HOOK3: variants seen among roughly 807,000 people sequenced by gnomAD.
HOOK3 encodes protein Hook homolog 3.
Under a neutral mutation model 116.3 loss-of-function variants are expected in HOOK3, and 24 were observed. The observed-to-expected ratio is 0.21, with a 90% CI of 0.15 to 0.29. The LOEUF (loss-of-function observed/expected upper bound fraction) is 0.29. Among genes scored for constraint, HOOK3 ranks in the 10% least tolerant of loss-of-function variants. The pLI is 1.00. For missense variants in HOOK3, 632 were observed against 830.2 expected (o/e 0.76, Z 2.93); for synonymous variants, 275 against 283.0 (o/e 0.97, Z 0.28).
At position 43,021,104 on chromosome 8, in the gene HOOK3, G is replaced by GAAAAAAAAAAAAAAAAAA. The variant is rs34161624; in HGVS notation, c.*2618_*2635dup. On this transcript the variant is annotated 3_prime_UTR_variant, in exon 22 of 22. Coordinates refer to ENST00000307602, the MANE Select transcript of HOOK3 (RefSeq NM_032410.4). ...CGACAAGAGCGAAACTCTGTCGCAA[G>GAAAAAAAAAAAAAAAAAA]AAAAAAAAAAAAAAAAAAAAAAAAA... 4 of 32,246 alleles carry GAAAAAAAAAAAAAAAAAA rather than the reference G, an allele frequency of 1.2e-4. No homozygotes were observed. Among genetic ancestry groups the GAAAAAAAAAAAAAAAAAA allele is most frequent in the African/African-American group, 1.9e-4 (2 of 10,630 alleles). 2.0% of individuals were successfully genotyped at this position (32,246 alleles called of 1,614,324 possible). A position where few individuals can be genotyped will look rare whatever the true frequency, so the allele number is the denominator to read the frequency against.
rs1398419159 is a variant in HOOK3, at chr8:43,018,844, A to G, written c.*346A>G. The G allele has an allele frequency of 8.2e-6, 2 of 243,934 alleles. No individual in the cohort carries two copies. The highest frequency in any genetic ancestry group is 1.1e-4 in the Admixed American group (2 of 18,628). 15.1% of individuals were successfully genotyped at this position (243,934 alleles called of 1,614,324 possible). On this transcript the variant is annotated 3_prime_UTR_variant, in exon 22 of 22. Transcript: ENST00000307602. ...ATTTTCTGCCAATAATTGATATACA[A>G]TTTATATTCTTTATTGTGCCTGTGT... is the stretch of plus-strand genomic sequence containing the variant.
chr8:43,002,014 C>G, intron 16 of HOOK3, 93 bp from the exon 17 acceptor site: 1 of 810,842 alleles, frequency 1.2e-6, no homozygotes, highest in Non-Finnish European at 2.0e-6. Context: ...AAAGCTCACT[C>G]AAAATTAATG....
chr8:42,910,585 T>A (rs1182305637), intron 2 of HOOK3, among the ~76,000 whole-genome samples: 11 of 152,244 alleles, frequency 7.2e-5, no homozygotes, highest in Admixed American at 7.2e-4. Context: ...AGTAGAATCA[T>A]ACAGTATGTA....
In HOOK3 at chr8:42,930,936, C is replaced by T. The variant is rs116963375; in HGVS notation, c.267+764C>T. Among the ~76,000 whole-genome samples, 595 of 152,306 alleles carry T rather than the reference C, an allele frequency of 3.9e-3. 4 individuals carry two copies. The highest frequency in any genetic ancestry group is 6.6e-3 in the Non-Finnish European group (447 of 68,026). ...CTTGCTTAGATTACTAAAGTAGTCT[C>T]GCTGGTGACCCTGATTTTACTGTTG... On this transcript the variant is annotated intron_variant, in intron 4 of 21. Transcript: ENST00000307602.
intron 8 of HOOK3, 89 bp downstream of exon 8, chr8:42,959,403 T>A: frequency 1.2e-6 from 1 of 852,216 alleles, no homozygotes; most frequent in Non-Finnish European, 1.9e-6. Context: ...CAGTACATCT[T>A]AACTATAACG....
At chr8:42,909,242 CA>C (rs1309020394) in intron 2 of HOOK3, among the ~76,000 whole-genome samples, 1 of 152,146 alleles carries the variant, frequency 6.6e-6, no homozygotes, top group Non-Finnish European at 1.5e-5. Flanking sequence ...GAAAACTGTA[CA>C]AAAAGCTAAA....
intron 2 of HOOK3, among the ~76,000 whole-genome samples, chr8:42,910,797 C>G (rs915363039): frequency 3.3e-5 from 5 of 152,202 alleles, no homozygotes; most frequent in Non-Finnish European, 7.3e-5. Context: ...GGTGTCCACC[C>G]TCAGGAGGTT....
At chr8:42,971,398 C>G (rs956227020) in intron 11 of HOOK3, among the ~76,000 whole-genome samples, 2 of 151,956 alleles carry the variant, frequency 1.3e-5, no homozygotes, top group African/African-American at 4.8e-5. Flanking sequence ...TCCCGAGTAG[C>G]TGGGATTACA....
rs1416462933 is a variant in HOOK3 at position 43,023,479 on chromosome 8, T to TTCCCC, written c.*4992_*4996dup. On this transcript the variant is annotated 3_prime_UTR_variant, in exon 22 of 22. Transcript: ENST00000307602. The stretch of plus-strand genomic sequence containing the variant: ...TCCCTCCTTTCTTCCTTCCCTTCCC[T>TTCCCC]TCCCCTCCCCTCCCCCAGGCTGGAG... 1 of 162,720 alleles carries TTCCCC rather than the reference T, an allele frequency of 6.1e-6. No individual in the cohort carries two copies. The highest frequency in any genetic ancestry group is 1.3e-5 in the Non-Finnish European group (1 of 74,808). 10.1% of individuals were successfully genotyped at this position (162,720 alleles called of 1,614,324 possible).
At position 42,980,192 on chromosome 8, in the gene HOOK3, A is replaced by G. The variant is rs565329276; in HGVS notation, c.1322-2435A>G. ...GGTCTTGAACTCCTGACCTCAGGTG[A>G]TCCACCTGGCTCGGCCTCCCAAAGT... On this transcript the variant is annotated intron_variant, in intron 13 of 21. Transcript: ENST00000307602. 1.3e-4 allele frequency among the ~76,000 whole-genome samples: 20 copies of G among 152,036 alleles called. No homozygotes were observed. In the South Asian group the frequency reaches 1.9e-3, roughly 14 times the overall value.
chr8:43,014,817 A>G (rs1160935750), intron 21 of HOOK3, among the ~76,000 whole-genome samples: 10 of 152,148 alleles, frequency 6.6e-5, no homozygotes, highest in Admixed American at 6.6e-4. Flanking sequence ...TTCATTATAT[A>G]TTATTTTCAC....
At chr8:42,903,426 G>A (rs1278793450) in intron 1 of HOOK3, among the ~76,000 whole-genome samples, 1 of 140,046 alleles carries the variant, frequency 7.1e-6, no homozygotes. Flanking sequence ...CTCACTGCAA[G>A]CTCCACCTCC....
chr8:42,974,504 G>T (rs1808783878), intron 13 of HOOK3, among the ~76,000 whole-genome samples: 1 of 151,972 alleles, frequency 6.6e-6, no homozygotes, highest in South Asian at 2.1e-4. Flanking sequence ...CTCCCAAAGT[G>T]CTGGGATTAT....
At chr8:43,013,268 T>G in intron 20 of HOOK3, 61 bp from the exon 21 acceptor site, 19 of 1,432,762 alleles carry the variant, frequency 1.3e-5, no homozygotes, top group Non-Finnish European at 1.8e-5. Flanking sequence ...TGTAAGTATT[T>G]TATTTATATT....
chr8:42,955,261 A>G (rs1028350205), intron 6 of HOOK3, among the ~76,000 whole-genome samples: 4 of 152,212 alleles, frequency 2.6e-5, no homozygotes, highest in African/African-American at 9.6e-5. Context: ...TCACATGTAC[A>G]GAGACCAACT....
At chr8:42,960,504 C>T (rs900493720) in intron 8 of HOOK3, among the ~76,000 whole-genome samples, 2 of 152,092 alleles carry the variant, frequency 1.3e-5, no homozygotes, top group Admixed American at 6.5e-5. Context: ...ATTTAGAATT[C>T]CTACAGAGAA....
rs184119855 is a variant in HOOK3 at position 42,994,092 on chromosome 8, T to C, written c.1533-3458T>C. Among the ~76,000 whole-genome samples the C allele has an allele frequency of 3.2e-3, 493 of 152,180 alleles. 3 individuals are homozygous for C. Among genetic ancestry groups the C allele is most frequent in the African/African-American group, 0.011 (475 of 41,520 alleles). ...AGTGTAGTGGCGCGATCTCGGCTCA[T>C]GCAACCTCCACCTCCTGGGTTCAAG... On this transcript the variant is annotated intron_variant, in intron 15 of 21. Coordinates refer to ENST00000307602, the MANE Select transcript of HOOK3 (RefSeq NM_032410.4).
At position 42,897,143 on chromosome 8, in the gene HOOK3, A is replaced by G. The variant is rs1807004473; in HGVS notation, c.12A>G (p.Val4=). Residue 4 remains valine (V), a synonymous_variant, in exon 1 of 22, where the codon GTA becomes GTG. Coordinates refer to ENST00000307602, the MANE Select transcript of HOOK3 (RefSeq NM_032410.4). ...CCGCGGCGGGGAAGATGTTCAGCGT[A>G]GAGTCGCTGGAGCGGGCGGAGCTGT... The part of the protein sequence containing the change: MFS[V]ESLERAELCE... 44 of 1,247,276 alleles carry G rather than the reference A, an allele frequency of 3.5e-5. No individual in the cohort carries two copies. The highest frequency in any genetic ancestry group is 4.4e-5 in the Non-Finnish European group (44 of 990,540). 77.3% of individuals were successfully genotyped at this position (1,247,276 alleles called of 1,614,324 possible). A position where few individuals can be genotyped will look rare whatever the true frequency, so the allele number is the denominator to read the frequency against.
At chr8:42,993,128 G>C (rs146829671) in intron 15 of HOOK3, among the ~76,000 whole-genome samples, 3 of 152,286 alleles carry the variant, frequency 2.0e-5, no homozygotes, top group Admixed American at 2.0e-4. Context: ...GTATGAGGAT[G>C]TTGAACCATC....
Sources: gnomAD v4.1 joint callset for allele counts (sites outside exome capture counted in the v4.1 genomes callset) on GRCh38, gnomAD v4.1.1 for gene constraint, MANE v1.5 for transcripts, NCBI Gene and HGNC (gene_info 2026-07-23, HGNC 2026-07-21) for gene names.